MACROH2A2: variants seen among roughly 807,000 people sequenced by gnomAD.
The protein encoded by MACROH2A2 is macroH2A.2 histone.
MACROH2A2 carries 6 observed loss-of-function variants against 37.6 expected under a neutral mutation model. That is an observed-to-expected ratio of 0.16 (90% confidence interval 0.09 to 0.32). The LOEUF is 0.32. Ranked by LOEUF, MACROH2A2 falls within the 10% of genes least tolerant of loss-of-function variation. The pLI is 1.00. For synonymous variants in MACROH2A2, 192 were observed against 202.7 expected (o/e 0.95, Z 0.45); for missense variants, 290 against 485.9 (o/e 0.60, Z 3.79).
intron 1 of MACROH2A2, among the ~76,000 whole-genome samples, chr10:70,054,111 G>C (rs1045438057): frequency 6.6e-6 from 1 of 152,236 alleles, no homozygotes; most frequent in Non-Finnish European, 1.5e-5. Flanking sequence ...AAGGGGCATT[G>C]GTTCCCCAAG....
At chr10:70,057,657 C>T (rs760057515) in intron 1 of MACROH2A2, among the ~76,000 whole-genome samples, 11 of 152,070 alleles carry the variant, frequency 7.2e-5, no homozygotes, top group Non-Finnish European at 1.2e-4. Flanking sequence ...CTAATTGTAG[C>T]GGTTGGTTTT....
intron 7 of MACROH2A2, among the ~76,000 whole-genome samples, chr10:70,108,224 TA>T (rs996291409): frequency 1.3e-5 from 2 of 151,480 alleles, no homozygotes; most frequent in African/African-American, 4.8e-5. Flanking sequence ...AAACTAAAAA[TA>T]AAAAAATAAA....
In MACROH2A2 at chr10:70,052,891, A is replaced by G. The variant is rs2071983297; in HGVS notation, c.-169A>G. 6.6e-6 allele frequency: 1 copy of G among 152,666 alleles called. No individual in the cohort carries two copies. The highest frequency in any genetic ancestry group is 1.5e-5 in the Non-Finnish European group (1 of 68,098). 9.5% of individuals were successfully genotyped at this position (152,666 alleles called of 1,614,324 possible). A position where few individuals can be genotyped will look rare whatever the true frequency, so the allele number is the denominator to read the frequency against. On this transcript the variant is annotated 5_prime_UTR_variant, in exon 1 of 9. Transcript: ENST00000373255. ...CATTGACACGCACAGATAGAACCCAAAGAAAGGCAAAGAGTCCTGCCCGGC... is the reference window on the plus strand; with the variant it reads ...CATTGACACGCACAGATAGAACCCAGAGAAAGGCAAAGAGTCCTGCCCGGC...
In MACROH2A2 at chr10:70,103,802, G is replaced by A. The variant is rs150587176; in HGVS notation, c.778+3505G>A. Among the ~76,000 whole-genome samples, 16 of 151,986 alleles carry A rather than the reference G, an allele frequency of 1.1e-4. 1 individual carries two copies. In the East Asian group the frequency reaches 3.1e-3, roughly 29 times the overall value. Reference sequence around the variant, plus strand: ...TCATCAGCAAAAAAAAAGATGTGTGGAAACAGGAAAGAAATACCTTCAAAG... The same window carrying A: ...TCATCAGCAAAAAAAAAGATGTGTGAAAACAGGAAAGAAATACCTTCAAAG... On this transcript the variant is annotated intron_variant, in intron 7 of 8. Coordinates refer to ENST00000373255, the MANE Select transcript of MACROH2A2 (RefSeq NM_018649.3).
In MACROH2A2 at chr10:70,089,918, C is replaced by T. The variant is rs1419690011; in HGVS notation, c.173-142C>T. The T allele has an allele frequency of 1.9e-5, 13 of 691,788 alleles. No individual in the cohort carries two copies. In the East Asian group the frequency reaches 2.0e-4, roughly 11 times the overall value. The allele number at this position is 691,788 out of a possible 1,614,324, so 42.9% of individuals were successfully genotyped here. A position where few individuals can be genotyped will look rare whatever the true frequency, so the allele number is the denominator to read the frequency against. Reference sequence around the variant, plus strand: ...GCTGGGACTAACTTGAGTTCTCTTACGCTTCCTGGATTTCTTTCCAGGCCG... The same window carrying T: ...GCTGGGACTAACTTGAGTTCTCTTATGCTTCCTGGATTTCTTTCCAGGCCG... On this transcript the variant is annotated intron_variant, in intron 2 of 8. Transcript: ENST00000373255.
chr10:70,092,818 A>C (rs1159182427), intron 4 of MACROH2A2, among the ~76,000 whole-genome samples: 6 of 152,178 alleles, frequency 3.9e-5, no homozygotes, highest in African/African-American at 1.4e-4. Flanking sequence ...GTTGCCTTCC[A>C]AACAGCCTCT....
At chr10:70,088,518 C>A (rs918696457) in intron 2 of MACROH2A2, among the ~76,000 whole-genome samples, 2 of 152,176 alleles carry the variant, frequency 1.3e-5, no homozygotes, top group Admixed American at 6.5e-5. Flanking sequence ...CTACAGATTT[C>A]TTTTTTTACC....
rs1049852780 is a variant in MACROH2A2, at chr10:70,092,148, G to A, written c.477+194G>A. 7.9e-5 allele frequency among the ~76,000 whole-genome samples: 12 copies of A among 152,352 alleles called. No individual in the cohort carries two copies. The East Asian group carries it at 2.3e-3, about 29-fold the overall frequency. The stretch of plus-strand genomic sequence containing the variant: ...CAGTCCCCTTATAAAAGAGGCCTGA[G>A]GGAGGCAGAGGGACCCTTCTGCCAT... On this transcript the variant is annotated intron_variant, in intron 4 of 8. Transcript: ENST00000373255.
At chr10:70,087,308 A>G (rs2072217801) in intron 2 of MACROH2A2, among the ~76,000 whole-genome samples, 1 of 149,658 alleles carries the variant, frequency 6.7e-6, no homozygotes, top group South Asian at 2.1e-4. Flanking sequence ...GTCTCGGCTC[A>G]CTGCAGCCTC....
At chr10:70,091,673 C>CAA (rs571416539) in intron 3 of MACROH2A2, 84 bp from the exon 4 acceptor site, 24,535 of 684,770 alleles carry the variant, frequency 0.036, 168 homozygotes, top group African/African-American at 0.053. Context: ...GATTCTGTAT[C>CAA]AAAAAAAAAA....
At position 70,109,277 on chromosome 10, in the gene MACROH2A2, A is replaced by G. The variant is rs2072356300; in HGVS notation, c.953+70A>G. The G allele has an allele frequency of 4.5e-6, 6 of 1,332,464 alleles. No homozygotes were observed. In the South Asian group the frequency reaches 4.8e-5, roughly 11 times the overall value. The allele number at this position is 1,332,464 out of a possible 1,614,324, so 82.5% of individuals were successfully genotyped here. A position where few individuals can be genotyped will look rare whatever the true frequency, so the allele number is the denominator to read the frequency against. On this transcript the variant is annotated intron_variant, in intron 8 of 8. Transcript: ENST00000373255. ...GGAAATCAGCTGCTCCCCCACTTAC[A>G]TCTGATCTGGGTGTTGCCAAGGGCT... is the stretch of plus-strand genomic sequence containing the variant.
At chr10:70,095,094 C>T (rs568308584) in intron 5 of MACROH2A2, among the ~76,000 whole-genome samples, 82 of 152,222 alleles carry the variant, frequency 5.4e-4, no homozygotes, top group African/African-American at 1.9e-3. Context: ...GGGGGCCAGG[C>T]GCGGTGGCTC....
intron 7 of MACROH2A2, among the ~76,000 whole-genome samples, chr10:70,105,112 A>G (rs1030655464): frequency 2.0e-5 from 3 of 152,230 alleles, no homozygotes; most frequent in African/African-American, 7.2e-5. Flanking sequence ...ATGAAAAGTC[A>G]GGACTTTCAT....
intron 1 of MACROH2A2, among the ~76,000 whole-genome samples, chr10:70,058,636 T>G (rs947380348): frequency 1.3e-5 from 2 of 150,046 alleles, no homozygotes; most frequent in Non-Finnish European, 3.0e-5. Flanking sequence ...ACTGCCAATT[T>G]TATATATATA....
chr10:70,091,000 T>C (rs945348290), intron 3 of MACROH2A2, among the ~76,000 whole-genome samples: 5 of 152,246 alleles, frequency 3.3e-5, no homozygotes, highest in Non-Finnish European at 7.3e-5. Flanking sequence ...AATTAACTTA[T>C]ATTGATTGGG....
In MACROH2A2 at chr10:70,097,454, C is replaced by T. The variant is rs575890593; in HGVS notation, c.688+1701C>T. 3.3e-5 allele frequency among the ~76,000 whole-genome samples: 5 copies of T among 152,234 alleles called. No homozygotes were observed. The South Asian group carries it at 1.0e-3, about 32-fold the overall frequency. On this transcript the variant is annotated intron_variant, in intron 6 of 8. Transcript: ENST00000373255. ...TCCCTCCCATTACGATTCCATTTTC[C>T]ACCACCATCACCCAAACTAATCATC...
At chr10:70,094,575 A>G (rs1224071938) in intron 5 of MACROH2A2, among the ~76,000 whole-genome samples, 1 of 152,230 alleles carries the variant, frequency 6.6e-6, no homozygotes, top group Non-Finnish European at 1.5e-5. Flanking sequence ...TGGGAAGAGT[A>G]TGTTCTAAGA....
At chr10:70,071,003 G>GCA (rs2072106524) in intron 1 of MACROH2A2, among the ~76,000 whole-genome samples, 7 of 151,398 alleles carry the variant, frequency 4.6e-5, no homozygotes, top group African/African-American at 1.2e-4. Flanking sequence ...ATGTGCATGT[G>GCA]TGTGTGTGTG....
chr10:70,055,012 TC>T (rs1230026479), intron 1 of MACROH2A2, among the ~76,000 whole-genome samples: 2 of 152,204 alleles, frequency 1.3e-5, no homozygotes, highest in Non-Finnish European at 2.9e-5. Flanking sequence ...ATCCGGAGTG[TC>T]CCTGTGATTC....
Sources: gnomAD v4.1 joint callset for allele counts (sites outside exome capture counted in the v4.1 genomes callset) on GRCh38, gnomAD v4.1.1 for gene constraint, MANE v1.5 for transcripts, NCBI Gene and HGNC (gene_info 2026-07-23, HGNC 2026-07-21) for gene names.